ABAT: variants seen among roughly 807,000 people sequenced by gnomAD.
ABAT encodes 4-aminobutyrate aminotransferase, mitochondrial.
Under a neutral mutation model 64.6 loss-of-function variants are expected in ABAT, and 45 were observed. The observed-to-expected ratio is 0.70, with a 90% CI of 0.55 to 0.89. The LOEUF (loss-of-function observed/expected upper bound fraction) is 0.89. Ranked by LOEUF, ABAT falls within the 40% of genes least tolerant of loss-of-function variation. The pLI, the probability that ABAT is intolerant of heterozygous loss-of-function variation, is 0.00. For synonymous variants in ABAT, 297 were observed against 250.5 expected, an observed-to-expected ratio of 1.19 and a Z score of -1.75; for missense variants, 633 against 658.4, an observed-to-expected ratio of 0.96 and a Z score of 0.42.
chr16:8,689,523 T>C (rs1222872315), intron 1 of ABAT, among the ~76,000 whole-genome samples: 1 of 152,234 alleles, frequency 6.6e-6, no homozygotes, highest in Non-Finnish European at 1.5e-5. Context: ...AGTCTAATCA[T>C]ATGCACAACT....
chr16:8,758,931 G>A (rs567607688), intron 6 of ABAT, among the ~76,000 whole-genome samples: 60 of 152,064 alleles, frequency 3.9e-4, no homozygotes, highest in African/African-American at 1.3e-3. Flanking sequence ...GTGAAACCCC[G>A]TCTCTACTAA....
At chr16:8,694,089 G>A (rs373964939) in intron 1 of ABAT, among the ~76,000 whole-genome samples, 15 of 151,898 alleles carry the variant, frequency 9.9e-5, no homozygotes, top group African/African-American at 3.6e-4. Flanking sequence ...GAGTACAGTG[G>A]CACGATCTCC....
intron 1 of ABAT, among the ~76,000 whole-genome samples, chr16:8,692,106 G>A (rs769734728): frequency 4.6e-5 from 7 of 152,124 alleles, no homozygotes; most frequent in South Asian, 2.1e-4. Context: ...TGGGCCAGTC[G>A]CCGTGGGCTC....
chr16:8,752,890 ATGCAC>A (rs1264887366), intron 5 of ABAT, among the ~76,000 whole-genome samples: 4 of 152,318 alleles, frequency 2.6e-5, no homozygotes, highest in African/African-American at 9.6e-5. Flanking sequence ...AGAATTTACT[ATGCAC>A]TTGGCATATT....
At chr16:8,730,495 G>A (rs1445565568) in intron 1 of ABAT, among the ~76,000 whole-genome samples, 1 of 152,138 alleles carries the variant, frequency 6.6e-6, no homozygotes, top group Non-Finnish European at 1.5e-5. Context: ...GAACCCGCCT[G>A]TCATTCCTCC....
At chr16:8,761,153 C>T (rs953221694) in intron 6 of ABAT, among the ~76,000 whole-genome samples, 19 of 152,172 alleles carry the variant, frequency 1.2e-4, no homozygotes, top group African/African-American at 4.1e-4. Flanking sequence ...GACAGTACTA[C>T]CCTGTCCCTG....
intron 1 of ABAT, among the ~76,000 whole-genome samples, chr16:8,717,992 C>G (rs2058260974): frequency 6.6e-6 from 1 of 152,072 alleles, no homozygotes; most frequent in Non-Finnish European, 1.5e-5. Context: ...TTTCTCTGTG[C>G]AAGGAAACAG....
At chr16:8,760,669 T>G (rs112477850) in intron 6 of ABAT, among the ~76,000 whole-genome samples, 8 of 152,214 alleles carry the variant, frequency 5.3e-5, no homozygotes, top group Non-Finnish European at 8.8e-5. Context: ...GAATCCCAGA[T>G]GCCTTGGCAG....
intron 6 of ABAT, among the ~76,000 whole-genome samples, chr16:8,759,633 C>A (rs1176958716): frequency 6.6e-6 from 1 of 152,220 alleles, no homozygotes; most frequent in African/African-American, 2.4e-5. Flanking sequence ...CCACCTCAGC[C>A]TCCTGAGTAG....
intron 1 of ABAT, among the ~76,000 whole-genome samples, chr16:8,696,480 G>A (rs528776505): frequency 5.9e-5 from 9 of 152,208 alleles, no homozygotes; most frequent in South Asian, 4.1e-4. Flanking sequence ...AAAATTAGCC[G>A]TGGGTGGTGC....
intron 12 of ABAT, among the ~76,000 whole-genome samples, chr16:8,774,407 T>C (rs80299853): frequency 0.016 from 2,365 of 152,268 alleles, 62 homozygotes; most frequent in African/African-American, 0.052. Flanking sequence ...TGTGCATATA[T>C]AACTGGCAAT....
intron 2 of ABAT, among the ~76,000 whole-genome samples, chr16:8,743,444 T>TATATATATATATGTATATATATAC (rs368568293): frequency 1.7e-5 from 2 of 117,702 alleles, no homozygotes; most frequent in Admixed American, 9.2e-5. Flanking sequence ...TATATATATA[T>TATATATATATATGTATATATATAC]ACACACATTT....
chr16:8,695,493 G>A (rs966180272), intron 1 of ABAT, among the ~76,000 whole-genome samples: 2 of 152,166 alleles, frequency 1.3e-5, no homozygotes, highest in Non-Finnish European at 2.9e-5. Context: ...CCCAACTGCC[G>A]CTTACTTGTG....
intron 6 of ABAT, among the ~76,000 whole-genome samples, chr16:8,760,613 G>A (rs973345826): frequency 1.3e-5 from 2 of 152,218 alleles, no homozygotes; most frequent in Non-Finnish European, 2.9e-5. Context: ...GGAGGCTCCC[G>A]AATGTGTTTA....
At chr16:8,681,270 T>C (rs1364962202) in intron 1 of ABAT, among the ~76,000 whole-genome samples, 2 of 151,104 alleles carry the variant, frequency 1.3e-5, no homozygotes, top group Non-Finnish European at 3.0e-5. Context: ...GGATTACAAG[T>C]GTGAACTGCC....
intron 1 of ABAT, chr16:8,705,662 G>A (rs1270373435): frequency 6.6e-6 from 1 of 152,214 alleles, no homozygotes; most frequent in East Asian, 1.9e-4. Context: ...AGATCAGACA[G>A]GCAGATAGCT....
intron 1 of ABAT, among the ~76,000 whole-genome samples, chr16:8,690,104 T>C (rs2057546022): frequency 6.6e-6 from 1 of 152,202 alleles, no homozygotes; most frequent in African/African-American, 2.4e-5. Flanking sequence ...TTAAGCTTCA[T>C]CTCCCAGCTC....
chr16:8,729,991 A>G (rs13333072), intron 1 of ABAT, among the ~76,000 whole-genome samples: 57,181 of 151,948 alleles, frequency 0.38, 12,954 homozygotes, highest in Admixed American at 0.5. Flanking sequence ...GGAGGAAGGA[A>G]GTGCAGAGCA....
At chr16:8,699,384 T>C (rs970376329) in intron 1 of ABAT, among the ~76,000 whole-genome samples, 1 of 152,040 alleles carries the variant, frequency 6.6e-6, no homozygotes, top group Non-Finnish European at 1.5e-5. Flanking sequence ...CTGGGCAACA[T>C]GGTGAAACCC....
Sources: gnomAD v4.1 joint callset for allele counts (sites outside exome capture counted in the v4.1 genomes callset) on GRCh38, gnomAD v4.1.1 for gene constraint, MANE v1.5 for transcripts, NCBI Gene and HGNC (gene_info 2026-07-23, HGNC 2026-07-21) for gene names.